The following HTR3A variants were observed in gnomAD, a reference collection of about 807,000 sequenced individuals.
HTR3A encodes 5-hydroxytryptamine receptor 3A.
A neutral mutation model predicts 54.8 loss-of-function variants in HTR3A; 45 were observed. That is an observed-to-expected ratio of 0.82 (90% CI 0.65 to 1.05). The LOEUF (loss-of-function observed/expected upper bound fraction) is 1.05. Ranked by LOEUF, HTR3A falls within the 50% of genes least tolerant of loss-of-function variation. The probability of loss-of-function intolerance (pLI) is 0.00; values close to 1 mark genes in which losing one functional copy is unlikely to be tolerated. For synonymous variants in HTR3A, 297 were observed against 256.0 expected (o/e 1.16, Z -1.53); for missense variants, 657 against 614.0 (o/e 1.07, Z -0.74).
intron 5 of HTR3A, among the ~76,000 whole-genome samples, chr11:113,984,842 C>T (rs185048177): frequency 1.3e-3 from 195 of 151,898 alleles, no homozygotes; most frequent in African/African-American, 4.4e-3. Context: ...CACTTCAACT[C>T]GGAGGGTGGA....
rs1950442676 is a variant in HTR3A, at chr11:113,983,142, A to G, written c.397A>G (p.Asn133Asp). 3 of 1,614,182 alleles carry G rather than the reference A, an allele frequency of 1.9e-6. No individual in the cohort carries two copies. Among genetic ancestry groups the G allele is most frequent in the Non-Finnish European group, 2.5e-6 (3 of 1,180,022 alleles). ...CAGCGTGGATGTGGGGAAGTCTCCA[A>G]ATATCCCGTACGTGTATATTCGGCA... ...NEFVDVGKSPNIPYVYIRHQG... is the reference protein window; with the variant it reads ...NEFVDVGKSPDIPYVYIRHQG... The change falls in exon 5 of 9, where the codon AAT (asparagine) becomes GAT (aspartate). Residue 133 changes from asparagine (N) to aspartate (D), a missense_variant. Coordinates refer to ENST00000504030, the MANE Select transcript of HTR3A (RefSeq NM_000869.6).
At chr11:113,977,669 A>G in intron 1 of HTR3A, 102 bp from the exon 2 acceptor site, 1 of 1,519,098 alleles carries the variant, frequency 6.6e-7, no homozygotes, top group Non-Finnish European at 9.0e-7. Context: ...TGAGGTGGGG[A>G]TGGTGGGGAT....
At chr11:113,982,723 C>T (rs1294385317) in intron 4 of HTR3A, among the ~76,000 whole-genome samples, 2 of 152,214 alleles carry the variant, frequency 1.3e-5, no homozygotes, top group Non-Finnish European at 2.9e-5. Context: ...CAAGATCCTG[C>T]TCTTTCACCA....
At chr11:113,980,051 G>A (rs1950403280) in intron 3 of HTR3A, among the ~76,000 whole-genome samples, 1 of 152,210 alleles carries the variant, frequency 6.6e-6, no homozygotes, top group South Asian at 2.1e-4. Flanking sequence ...GGTAGAGGAA[G>A]AAGCTAGAAT....
At chr11:113,984,917 C>T (rs1015686310) in intron 5 of HTR3A, among the ~76,000 whole-genome samples, 7 of 99,010 alleles carry the variant, frequency 7.1e-5, no homozygotes, top group Admixed American at 5.3e-4. Context: ...ACTGAGACTC[C>T]GTCTCAAAAA....
chr11:113,987,165 C>T (rs1950504078), intron 8 of HTR3A, 119 bp downstream of exon 8: 1 of 1,051,568 alleles, frequency 9.5e-7, no homozygotes, highest in African/African-American at 1.6e-5. Context: ...GCATCCCATG[C>T]CCTGCCTTAC....
intron 3 of HTR3A, among the ~76,000 whole-genome samples, chr11:113,980,746 A>T (rs918385740): frequency 1.3e-5 from 2 of 152,236 alleles, no homozygotes; most frequent in Non-Finnish European, 2.9e-5. Flanking sequence ...GAAGGATTTT[A>T]AGCAAGGGAG....
At position 113,977,803 on chromosome 11, in the gene HTR3A, C is replaced by G. The variant is rs964604133; in HGVS notation, c.100C>G (p.Leu34Val). Residue 34 changes from leucine (L) to valine (V), a missense_variant, in exon 2 of 9, where the codon CTG (leucine) becomes GTG (valine). Transcript: ENST00000504030. Reference protein sequence around the residue: ...RRSRNTTRPALLRLSDYLLTN... With the variant: ...RRSRNTTRPAVLRLSDYLLTN... ...GAGCCGAAACACCACCAGGCCCGCT[C>G]TGCTGAGGCTGTCGGATTACCTTTT... 20 of 1,614,036 alleles carry G rather than the reference C, an allele frequency of 1.2e-5. No homozygotes were observed. Among genetic ancestry groups the G allele is most frequent in the Non-Finnish European group, 1.7e-5 (20 of 1,180,048 alleles).
chr11:113,989,881 G>T lies in HTR3A; in HGVS notation c.*118G>T, dbSNP rs768020683. The T allele has an allele frequency of 1.7e-5, 20 of 1,146,690 alleles. No individual in the cohort carries two copies. Among genetic ancestry groups the T allele is most frequent in the African/African-American group, 1.5e-5 (1 of 66,168 alleles). The allele number at this position is 1,146,690 out of a possible 1,614,324, so 71.0% of individuals were successfully genotyped here. A position where few individuals can be genotyped will look rare whatever the true frequency, so the allele number is the denominator to read the frequency against. Reference sequence around the variant, plus strand: ...GGGACATTTTCAAGACACAGACAAAGTCCCGTGCCCTGTTTCCAATGCCAA... The same window carrying T: ...GGGACATTTTCAAGACACAGACAAATTCCCGTGCCCTGTTTCCAATGCCAA... On this transcript the variant is annotated 3_prime_UTR_variant, in exon 9 of 9. Coordinates refer to ENST00000504030, the MANE Select transcript of HTR3A (RefSeq NM_000869.6). The surrounding 1 kb of genome is among the most constrained non-coding windows in gnomAD (Gnocchi z 4.4).
chr11:113,989,681 T>G lies in HTR3A; in HGVS notation c.1355T>G (p.Leu452Arg). 1.2e-6 allele frequency: 2 copies of G among 1,614,170 alleles called. No homozygotes were observed. The highest frequency in any genetic ancestry group is 1.7e-6 in the Non-Finnish European group (2 of 1,180,044). Reference sequence around the variant, plus strand: ...CGCGTGGGCTCCGTGCTGGACAAGCTGCTATTCCACATTTACCTGCTAGCG... The same window carrying G: ...CGCGTGGGCTCCGTGCTGGACAAGCGGCTATTCCACATTTACCTGCTAGCG... ...WLRVGSVLDK[L>R]LFHIYLLAVL... is the part of the protein sequence containing the mutation. Residue 452 changes from leucine to arginine, a missense_variant, in exon 9 of 9, where the codon CTG becomes CGG. Physicochemically the swap from Leu to Arg is moderately radical, Grantham distance 102. Transcript: ENST00000504030. This position sits in a 1 kb window ranked among gnomAD's most constrained non-coding sequence, Gnocchi z 4.4.
Position 113,976,571 on chromosome 11 carries a change from TTGTGTGTGTGTGTGTGTG to T in HTR3A, c.68-1174_68-1157del, listed in dbSNP as rs34498899. On this transcript the variant is annotated intron_variant, in intron 1 of 8. Coordinates refer to ENST00000504030, the MANE Select transcript of HTR3A (RefSeq NM_000869.6). ...CCAAAGGAGACACTTAAAAAATAGT[TTGTGTGTGTGTGTGTGTG>T]TGTGTGTGTGTGTGTGTGTGTGTGT... 9.6e-5 allele frequency among the ~76,000 whole-genome samples: 13 copies of T among 135,322 alleles called. No individual in the cohort carries two copies. The South Asian group carries it at 1.6e-3, about 17-fold the overall frequency. 88.8% of individuals were successfully genotyped at this position (135,322 alleles called of 152,430 possible).
chr11:113,977,475 T>C (rs1441671895), intron 1 of HTR3A: 1 of 1,532,396 alleles, frequency 6.5e-7, no homozygotes, highest in African/African-American at 1.4e-5. Flanking sequence ...CCGACCTTCT[T>C]AGCCCTCAAC....
chr11:113,986,890 C>A lies in HTR3A; in HGVS notation c.982C>A (p.Arg328=), dbSNP rs147921110. 9.3e-6 allele frequency: 15 copies of A among 1,614,090 alleles called. No homozygotes were observed. Among genetic ancestry groups the A allele is most frequent in the Non-Finnish European group, 1.1e-5 (13 of 1,180,024 alleles). ...ISLAETIFIV[R]LVHKQDLQQP... is the part of the protein sequence containing the mutation. The stretch of plus-strand genomic sequence containing the variant: ...TTTGGCCGAGACCATCTTCATTGTG[C>A]GGCTGGTGCACAAGCAAGACCTGCA... Residue 328 remains arginine (R), a synonymous_variant, in exon 8 of 9, where the codon CGG becomes AGG. Coordinates refer to ENST00000504030, the MANE Select transcript of HTR3A (RefSeq NM_000869.6).
rs528818878 is a variant in HTR3A, at chr11:113,977,819, A to G, written c.116A>G (p.Asp39Gly). The part of the protein sequence containing the change: ...TTRPALLRLS[D>G]YLLTNYRKGV... ...AGGCCCGCTCTGCTGAGGCTGTCGGATTACCTTTTGACCAACTACAGGAAG... is the reference window on the plus strand; with the variant it reads ...AGGCCCGCTCTGCTGAGGCTGTCGGGTTACCTTTTGACCAACTACAGGAAG... Residue 39 changes from aspartate to glycine, a missense_variant, in exon 2 of 9, where the codon GAT becomes GGT. Transcript: ENST00000504030. The G allele has an allele frequency of 3.7e-5, 60 of 1,614,124 alleles. 1 individual carries two copies. In the African/African-American group the frequency reaches 7.1e-4, roughly 19 times the overall value.
intron 2 of HTR3A, 106 bp downstream of exon 2, chr11:113,978,028 A>T: frequency 7.5e-7 from 1 of 1,338,196 alleles, no homozygotes; most frequent in Non-Finnish European, 1.1e-6. Context: ...TTGAGAACCC[A>T]TAGGACCTAC....
chr11:113,980,095 C>T (rs571840232), intron 3 of HTR3A, among the ~76,000 whole-genome samples: 13 of 152,312 alleles, frequency 8.5e-5, no homozygotes, highest in African/African-American at 2.2e-4. Flanking sequence ...GTCCCTGCCT[C>T]GCAGAGGGAT....
At chr11:113,979,354 C>T in intron 3 of HTR3A, 77 bp downstream of exon 3, 1 of 1,188,200 alleles carries the variant, frequency 8.4e-7, no homozygotes, top group Non-Finnish European at 1.2e-6. Context: ...GTTTCAGTGG[C>T]CTTGGCGAGG....
At chr11:113,987,625 A>G (rs1950508233) in intron 8 of HTR3A, among the ~76,000 whole-genome samples, 1 of 151,482 alleles carries the variant, frequency 6.6e-6, no homozygotes, top group Non-Finnish European at 1.5e-5. Flanking sequence ...GGTCCTAGCT[A>G]CTTCAGGAGG....
chr11:113,980,161 C>T (rs1280812672), intron 3 of HTR3A, among the ~76,000 whole-genome samples: 1 of 152,230 alleles, frequency 6.6e-6, no homozygotes, highest in Non-Finnish European at 1.5e-5. Flanking sequence ...CAGCCTGGAG[C>T]TCCTTTCCCA....
Sources: gnomAD v4.1 joint callset for allele counts (sites outside exome capture counted in the v4.1 genomes callset) on GRCh38, gnomAD v4.1.1 for gene constraint, Gnocchi (gnomAD v3.1) non-coding constraint, MANE v1.5 for transcripts, NCBI Gene and HGNC (gene_info 2026-07-23, HGNC 2026-07-21) for gene names.